Variants in CLDN14 observed in about 807,000 individuals in gnomAD.
CLDN14 encodes the protein claudin-14.
Under a neutral mutation model 2.1 loss-of-function variants are expected in CLDN14, and 2 were observed. That is an observed-to-expected ratio of 0.96 (90% CI 0.39 to 3.01). CLDN14 has a LOEUF of 3.01. Ranked by LOEUF, CLDN14 falls within the 30% of genes most tolerant of loss-of-function variation. The pLI is 0.09. For synonymous variants in CLDN14, 136 were observed against 154.4 expected (o/e 0.88, Z 0.88); for missense variants, 298 against 328.0 (o/e 0.91, Z 0.71).
intron 2 of CLDN14, among the ~76,000 whole-genome samples, chr21:36,502,050 T>C (rs2087096536): frequency 6.6e-6 from 1 of 152,072 alleles, no homozygotes; most frequent in Non-Finnish European, 1.5e-5. Flanking sequence ...TGGAAGGGGT[T>C]AATGGTGCTA....
At chr21:36,575,152 G>A (rs1401965662) in intron 1 of CLDN14, among the ~76,000 whole-genome samples, 6 of 152,144 alleles carry the variant, frequency 3.9e-5, no homozygotes, top group South Asian at 2.1e-4. Flanking sequence ...ACCAACGCCG[G>A]TCATGCTGTT....
At chr21:36,507,913 C>A (rs2146482000) in intron 2 of CLDN14, among the ~76,000 whole-genome samples, 1 of 152,238 alleles carries the variant, frequency 6.6e-6, no homozygotes, top group East Asian at 1.9e-4. Context: ...ACTATGATAC[C>A]ATTGGTCTCA....
At chr21:36,476,524 C>T (rs1310012517) in intron 1 of CLDN14, among the ~76,000 whole-genome samples, 1 of 151,902 alleles carries the variant, frequency 6.6e-6, no homozygotes, top group Non-Finnish European at 1.5e-5. Flanking sequence ...GCGATCTCAG[C>T]TCACTGCAAC....
chr21:36,542,661 C>T (rs2087499370), intron 1 of CLDN14: 1 of 152,290 alleles, frequency 6.6e-6, no homozygotes, highest in African/African-American at 2.4e-5. Flanking sequence ...TCTCCTTGAT[C>T]CGGCCTCCCC....
intron 2 of CLDN14, chr21:36,485,982 C>T (rs138952890): frequency 1.4e-6 from 2 of 1,444,318 alleles, no homozygotes; most frequent in East Asian, 2.3e-5. Flanking sequence ...TCCCTCCAGT[C>T]TCACTTCTTG....
intron 1 of CLDN14, among the ~76,000 whole-genome samples, chr21:36,550,048 G>A (rs918793935): frequency 6.6e-6 from 1 of 152,166 alleles, no homozygotes; most frequent in African/African-American, 2.4e-5. Flanking sequence ...GCATGACATT[G>A]GTATTTATTG....
intron 1 of CLDN14, among the ~76,000 whole-genome samples, chr21:36,543,711 C>G (rs1256486846): frequency 2.6e-5 from 4 of 152,004 alleles, no homozygotes; most frequent in African/African-American, 9.7e-5. Context: ...AATGGCGGAG[C>G]TGCGACTTGA....
At chr21:36,533,098 G>A (rs970523097) in intron 1 of CLDN14, among the ~76,000 whole-genome samples, 2 of 152,164 alleles carry the variant, frequency 1.3e-5, no homozygotes, top group East Asian at 1.9e-4. Context: ...ATTCCAGAGC[G>A]TAGCCACGAA....
intron 2 of CLDN14, chr21:36,485,927 T>A: frequency 9.7e-7 from 1 of 1,028,958 alleles, no homozygotes; most frequent in Non-Finnish European, 1.4e-6. Flanking sequence ...TAACCCTATA[T>A]TCTCTGCGTC....
At chr21:36,545,204 T>C (rs2087518832) in intron 1 of CLDN14, among the ~76,000 whole-genome samples, 1 of 152,216 alleles carries the variant, frequency 6.6e-6, no homozygotes, top group South Asian at 2.1e-4. Context: ...GGTTAAGAAT[T>C]GATTTTTAAG....
chr21:36,497,689 CAA>C (rs1316098939), intron 2 of CLDN14, among the ~76,000 whole-genome samples: 1 of 152,114 alleles, frequency 6.6e-6, no homozygotes, highest in Non-Finnish European at 1.5e-5. Flanking sequence ...GCCGTTTAGC[CAA>C]GACACCTTTC....
chr21:36,488,242 C>CTTCCTTCCTTCCTTCT (rs2086919201), intron 2 of CLDN14, among the ~76,000 whole-genome samples: 3 of 146,372 alleles, frequency 2.0e-5, no homozygotes, highest in Non-Finnish European at 4.5e-5. Flanking sequence ...TCCTTCCTTC[C>CTTCCTTCCTTCCTTCT]TTCCTTCCTT....
rs2087068149 is a variant in CLDN14 at position 36,499,061 on chromosome 21, A to G, written c.-82+11302T>C. Among the ~76,000 whole-genome samples the G allele has an allele frequency of 6.6e-6, 1 of 152,174 alleles. No individual in the cohort carries two copies. The highest frequency in any genetic ancestry group is 1.5e-5 in the Non-Finnish European group (1 of 68,024). ...ACAATCACCGATATGACAGAAGGGT[A>G]ACCTTTCTGGGGTTGCATCTTAGGA... is the stretch of plus-strand genomic sequence containing the variant. On this transcript the variant is annotated intron_variant, in intron 2 of 2. Coordinates refer to the CLDN14 transcript ENST00000342108. The surrounding 1 kb of genome is among the most constrained non-coding windows in gnomAD (Gnocchi z 4.7).
chr21:36,519,754 A>C (rs566123015), intron 1 of CLDN14, among the ~76,000 whole-genome samples: 5 of 152,088 alleles, frequency 3.3e-5, no homozygotes, highest in South Asian at 4.2e-4. Context: ...AAACAAAAAA[A>C]CCCACAACCT....
chr21:36,525,055 T>C (rs2087312967), intron 1 of CLDN14, among the ~76,000 whole-genome samples: 1 of 152,170 alleles, frequency 6.6e-6, no homozygotes, highest in African/African-American at 2.4e-5. Context: ...CTCTGTGGAA[T>C]GTGCCAGTCA....
At chr21:36,507,124 TAA>T (rs61037603) in intron 2 of CLDN14, among the ~76,000 whole-genome samples, 6,047 of 142,306 alleles carry the variant, frequency 0.042, 417 homozygotes, top group African/African-American at 0.14. Flanking sequence ...TGCTCCCTCT[TAA>T]AAAAAAAAAA....
intron 1 of CLDN14, among the ~76,000 whole-genome samples, chr21:36,559,095 T>C (rs1197007740): frequency 6.6e-6 from 1 of 152,186 alleles, no homozygotes; most frequent in Non-Finnish European, 1.5e-5. Context: ...TTTTTACTGT[T>C]GAGTATGTTA....
intron 1 of CLDN14, among the ~76,000 whole-genome samples, chr21:36,479,272 A>G (rs1415063388): frequency 6.6e-6 from 1 of 152,108 alleles, no homozygotes; most frequent in African/African-American, 2.4e-5. Context: ...GCTCATTAGG[A>G]GCCTGGCTGC....
intron 1 of CLDN14, among the ~76,000 whole-genome samples, chr21:36,533,842 G>A (rs955870383): frequency 1.3e-5 from 2 of 152,176 alleles, no homozygotes; most frequent in African/African-American, 4.8e-5. Flanking sequence ...GCCTACCTGG[G>A]GGTGAAGGGT....
Sources: gnomAD v4.1 joint callset for allele counts (sites outside exome capture counted in the v4.1 genomes callset) on GRCh38, gnomAD v4.1.1 for gene constraint, Gnocchi (gnomAD v3.1) non-coding constraint, MANE v1.5 for transcripts, NCBI Gene and HGNC (gene_info 2026-07-23, HGNC 2026-07-21) for gene names.